The following NCAPG2 variants were observed in gnomAD, a reference collection of about 807,000 sequenced individuals.
NCAPG2 encodes non-SMC condensin II complex subunit G2, also known as condensin-2 complex subunit G2.
NCAPG2 carries 53 observed loss-of-function variants against 141.1 expected under a neutral mutation model. That is an observed-to-expected ratio of 0.38 (90% CI 0.30 to 0.47). The LOEUF (loss-of-function observed/expected upper bound fraction) is 0.47, where lower values mean the gene tolerates loss of function less well. Among genes scored for constraint, NCAPG2 ranks in the 20% least tolerant of loss-of-function variants. NCAPG2 has a pLI of 0.99. For missense variants in NCAPG2, 1,087 were observed against 1,389.0 expected (o/e 0.78, Z 3.46); for synonymous variants, 499 against 490.7 (o/e 1.02, Z -0.22).
chr7:158,655,426 C>T lies in NCAPG2; in HGVS notation c.2418G>A (p.Pro806=), dbSNP rs762164929. The T allele has an allele frequency of 1.6e-5, 26 of 1,614,044 alleles. No homozygotes were observed. The highest frequency in any genetic ancestry group is 5.5e-5 in the South Asian group (5 of 91,072). ...CACTGAAGCCACGAGGCTTCCCACC[C>T]GGTGTCTGCAGAAGTGACTCCAGAT... is the stretch of plus-strand genomic sequence containing the variant. The part of the protein sequence containing the change: ...KADLESLLQT[P]GGKPRGFSEA... Residue 806 remains proline, a synonymous_variant, in exon 20 of 28, where the codon CCG becomes CCA. Transcript: ENST00000356309.
In NCAPG2 at chr7:158,654,448, C is replaced by T. The variant is rs190759163; in HGVS notation, c.2746+147G>A. 778 of 760,268 alleles carry T rather than the reference C, an allele frequency of 1.0e-3. 9 individuals carry two copies. The highest frequency in any genetic ancestry group is 1.0e-4 in the Non-Finnish European group (51 of 494,272). The allele number at this position is 760,268 out of a possible 1,614,324, so 47.1% of individuals were successfully genotyped here. On this transcript the variant is annotated intron_variant, in intron 22 of 27. Coordinates refer to ENST00000356309, the MANE Select transcript of NCAPG2 (RefSeq NM_017760.7). The stretch of plus-strand genomic sequence containing the variant: ...ACACCTCTTAATTTCCGGGCTGAAC[C>T]ACCTAACAAATCCCTTTTTTGGGAT...
chr7:158,685,002 G>A (rs1341135307), intron 8 of NCAPG2, among the ~76,000 whole-genome samples: 5 of 152,196 alleles, frequency 3.3e-5, no homozygotes, highest in South Asian at 2.1e-4. Flanking sequence ...ATCAGTGCAG[G>A]GCCTGCTCTC....
rs115361726 is a variant in NCAPG2 at position 158,673,639 on chromosome 7, T to C, written c.1326+1838A>G. On this transcript the variant is annotated intron_variant, in intron 12 of 27. Coordinates refer to ENST00000356309, the MANE Select transcript of NCAPG2 (RefSeq NM_017760.7). ...CTGTGGATAGTCTGAATCTCAGAGCTACCTGCTGGTCACCTGAGCAGAGCT... is the reference window on the plus strand; with the variant it reads ...CTGTGGATAGTCTGAATCTCAGAGCCACCTGCTGGTCACCTGAGCAGAGCT... Among the ~76,000 whole-genome samples the C allele has an allele frequency of 8.3e-3, 1,269 of 152,320 alleles. 24 individuals carry two copies. Among genetic ancestry groups the C allele is most frequent in the African/African-American group, 0.028 (1,174 of 41,562 alleles).
chr7:158,683,402 C>G lies in NCAPG2; in HGVS notation c.838-16G>C. 1 of 1,580,790 alleles carries G rather than the reference C, an allele frequency of 6.3e-7. No homozygotes were observed. Among genetic ancestry groups the G allele is most frequent in the Non-Finnish European group, 8.6e-7 (1 of 1,159,418 alleles). ...TTTCAATCGCCTGAAATAACAAATG[C>G]AATGCAAAGCACTTGGTGTGTGTGT... is the stretch of plus-strand genomic sequence containing the variant. On this transcript the variant is annotated splice_polypyrimidine_tract_variant and intron_variant, in intron 8 of 27. Transcript: ENST00000356309.
At position 158,660,422 on chromosome 7, in the gene NCAPG2, TTTTTTTTA is replaced by T. The variant is rs1239405739; in HGVS notation, c.1989+1764_1989+1771del. 1.0e-4 allele frequency among the ~76,000 whole-genome samples: 10 copies of T among 95,682 alleles called. No homozygotes were observed. In the South Asian group the frequency reaches 1.1e-3, roughly 10 times the overall value. The allele number at this position is 95,682 out of a possible 152,430, so 62.8% of individuals were successfully genotyped here. On this transcript the variant is annotated intron_variant, in intron 16 of 27. Transcript: ENST00000356309. ...CTTTCTTTTTTTTTTTTTTTTTTTT[TTTTTTTTA>T]AAAGAGGCAGGGTCTCACTCTGTTG...
intron 13 of NCAPG2, among the ~76,000 whole-genome samples, chr7:158,669,260 A>T (rs1833517160): frequency 6.6e-6 from 1 of 152,184 alleles, no homozygotes; most frequent in African/African-American, 2.4e-5. Context: ...TAATAAAATG[A>T]TTTATATTCC....
Position 158,671,535 on chromosome 7 carries a change from G to T in NCAPG2, c.1458C>A (p.Ile486=). 6.2e-7 allele frequency: 1 copy of T among 1,614,158 alleles called. No individual in the cohort carries two copies. Among genetic ancestry groups the T allele is most frequent in the Non-Finnish European group, 8.5e-7 (1 of 1,180,022 alleles). The change falls in exon 13 of 28, where the codon ATC becomes ATA. Residue 486 remains isoleucine (I), a synonymous_variant. Transcript: ENST00000356309. ...RVAFVDMLLK[I]KAVRAAKFWK... ...CTACCTTAGCAGCCCTCACAGCTTTGATCTTCAACAGCATGTCCACAAAAG... is the reference window on the plus strand; with the variant it reads ...CTACCTTAGCAGCCCTCACAGCTTTTATCTTCAACAGCATGTCCACAAAAG...
intron 22 of NCAPG2, among the ~76,000 whole-genome samples, chr7:158,652,813 G>C (rs1483650649): frequency 1.3e-5 from 2 of 152,246 alleles, no homozygotes; most frequent in African/African-American, 4.8e-5. Context: ...ACCTGAATTA[G>C]AGAACAGTGT....
At chr7:158,680,335 A>G (rs1834370753) in intron 10 of NCAPG2, among the ~76,000 whole-genome samples, 1 of 152,174 alleles carries the variant, frequency 6.6e-6, no homozygotes, top group African/African-American at 2.4e-5. Context: ...CATCCTCACT[A>G]AAGATACCAG....
chr7:158,672,469 A>G (rs1439611680), intron 12 of NCAPG2, among the ~76,000 whole-genome samples: 1 of 147,780 alleles, frequency 6.8e-6, no homozygotes, highest in African/African-American at 2.5e-5. Context: ...CAGCCCCCCA[A>G]GTAGCTGAGA....
At position 158,690,779 on chromosome 7, in the gene NCAPG2, G is replaced by A. The variant is rs1053895420; in HGVS notation, c.383-57C>T. The A allele has an allele frequency of 9.3e-6, 14 of 1,500,736 alleles. No individual in the cohort carries two copies. In the African/African-American group the frequency reaches 1.9e-4, roughly 21 times the overall value. The allele number at this position is 1,500,736 out of a possible 1,614,324, so 93.0% of individuals were successfully genotyped here. ...TAAGGCAAATTCTTATTACTTCAGAGTCAACAGTTTAGAGTATCATGACTT... is the reference window on the plus strand; with the variant it reads ...TAAGGCAAATTCTTATTACTTCAGAATCAACAGTTTAGAGTATCATGACTT... On this transcript the variant is annotated intron_variant, in intron 4 of 27. Transcript: ENST00000356309.
At chr7:158,647,434 C>T (rs1005815498) in intron 24 of NCAPG2, among the ~76,000 whole-genome samples, 2 of 152,230 alleles carry the variant, frequency 1.3e-5, no homozygotes, top group African/African-American at 4.8e-5. Context: ...AGTTTAGAGC[C>T]ACGAGGGCAC....
chr7:158,641,139 A>G (rs957922848), intron 27 of NCAPG2: 1 of 183,838 alleles, frequency 5.4e-6, no homozygotes, highest in African/African-American at 2.3e-5. Flanking sequence ...AAAAAAAAGT[A>G]TAACTGATAT....
At chr7:158,645,877 C>A (rs1830979568) in intron 25 of NCAPG2, among the ~76,000 whole-genome samples, 1 of 152,088 alleles carries the variant, frequency 6.6e-6, no homozygotes, top group African/African-American at 2.4e-5. Flanking sequence ...TCAATGCACA[C>A]AAAAAAGATT....
intron 1 of NCAPG2, among the ~76,000 whole-genome samples, chr7:158,703,212 C>T (rs532376524): frequency 6.6e-6 from 1 of 152,258 alleles, no homozygotes; most frequent in East Asian, 1.9e-4. Flanking sequence ...GCACATTTTT[C>T]ACTGACAAAG....
intron 26 of NCAPG2, 134 bp downstream of exon 26, chr7:158,645,384 AG>A: frequency 1.4e-6 from 1 of 691,406 alleles, no homozygotes; most frequent in South Asian, 1.8e-5. Context: ...ATGAGAAGGC[AG>A]GGAGTGGAAA....
At position 158,641,440 on chromosome 7, in the gene NCAPG2, G is replaced by A. The variant is rs751394270; in HGVS notation, c.3380+2849C>T. The A allele has an allele frequency of 3.0e-5, 18 of 596,694 alleles. No homozygotes were observed. The South Asian group carries it at 3.4e-4, about 11-fold the overall frequency. 37.0% of individuals were successfully genotyped at this position (596,694 alleles called of 1,614,324 possible). ...TATAGATAGAAATTACATTAGCTGG[G>A]TCTGGTGGTGTGTGCCTGCAGTCCT... On this transcript the variant is annotated intron_variant, in intron 27 of 27. Transcript: ENST00000356309.
chr7:158,662,298 G>T lies in NCAPG2; in HGVS notation c.1885C>A (p.Leu629Ile). 1 of 1,609,694 alleles carries T rather than the reference G, an allele frequency of 6.2e-7. No homozygotes were observed. Among genetic ancestry groups the T allele is most frequent in the Non-Finnish European group, 8.5e-7 (1 of 1,178,124 alleles). ...MAGLLEIIVI[L>I]WKSIDRSMEN... ...ATACTTCTGTCAATACTTTTCCAGA[G>T]AATCACAATGATTTCTAGTAAACCT... is the stretch of plus-strand genomic sequence containing the variant. The change falls in exon 16 of 28, where the codon CTC (leucine) becomes ATC (isoleucine). Residue 629 changes from leucine to isoleucine, a missense_variant. Physicochemically the swap from Leu to Ile is conservative, Grantham distance 5. Transcript: ENST00000356309.
At chr7:158,632,530 A>C (rs180973199) in intron 27 of NCAPG2, among the ~76,000 whole-genome samples, 1 of 152,336 alleles carries the variant, frequency 6.6e-6, no homozygotes, top group East Asian at 1.9e-4. Flanking sequence ...CCTCCTGGAC[A>C]CAAATATCTA....
Sources: allele counts gnomAD v4.1 joint callset (sites outside exome capture counted in the v4.1 genomes callset), GRCh38; gene constraint gnomAD v4.1.1; transcripts MANE v1.5; gene names NCBI Gene and HGNC (gene_info 2026-07-23, HGNC 2026-07-21).